MED12L: variants seen among roughly 807,000 people sequenced by gnomAD.
The protein encoded by MED12L is mediator of RNA polymerase II transcription subunit 12-like protein.
A neutral mutation model predicts 281.3 loss-of-function variants in MED12L; 60 were observed. That is an observed-to-expected ratio of 0.21 (90% CI 0.17 to 0.26). The LOEUF is 0.26. MED12L is among the 10% of genes least tolerant of loss of function. The probability of loss-of-function intolerance (pLI) is 1.00; values close to 1 mark genes in which losing one functional copy is unlikely to be tolerated. For synonymous variants in MED12L, 974 were observed against 987.2 expected, an observed-to-expected ratio of 0.99 and a Z score of 0.25; for missense variants, 2,146 against 2,680.9, an observed-to-expected ratio of 0.80 and a Z score of 4.41.
At chr3:151,102,559 T>C (rs1304828355) in intron 2 of MED12L, among the ~76,000 whole-genome samples, 1 of 152,180 alleles carries the variant, frequency 6.6e-6, no homozygotes, top group East Asian at 1.9e-4. Flanking sequence ...CATGGTTCAC[T>C]GCAACCTCTA....
In MED12L at chr3:151,213,776, G is replaced by A. The variant is rs202142868; in HGVS notation, c.2250+20110G>A. On this transcript the variant is annotated intron_variant, in intron 16 of 44. Transcript: ENST00000687756. ...TAGTTTGATGCTTTGTGCCACTTCCGTCCCAGTTCACTTTTCAGTTCTATA... is the reference window on the plus strand; with the variant it reads ...TAGTTTGATGCTTTGTGCCACTTCCATCCCAGTTCACTTTTCAGTTCTATA... 3.1e-5 allele frequency: 50 copies of A among 1,613,960 alleles called. No homozygotes were observed. Among genetic ancestry groups the A allele is most frequent in the South Asian group, 6.6e-5 (6 of 91,082 alleles).
At position 151,409,240 on chromosome 3, in the gene MED12L, C is replaced by T. The variant is rs745807821; in HGVS notation, c.5821-3C>T. The T allele has an allele frequency of 3.8e-6, 6 of 1,584,262 alleles. No homozygotes were observed. The highest frequency in any genetic ancestry group is 3.9e-5 in the Admixed American group (2 of 51,350). On this transcript the variant is annotated splice_region_variant and splice_polypyrimidine_tract_variant and intron_variant, in intron 39 of 44. Transcript: ENST00000687756. Reference sequence around the variant, plus strand: ...AAGAGTTTGCTTTGGCTTTGTTTTCCAGGGCCAGCCGGGGGACCAGGCTGC... The same window carrying T: ...AAGAGTTTGCTTTGGCTTTGTTTTCTAGGGCCAGCCGGGGGACCAGGCTGC...
At chr3:151,368,636 TTTC>T (rs1560086952) in intron 25 of MED12L, among the ~76,000 whole-genome samples, 1,809 of 62,606 alleles carry the variant, frequency 0.029, 17 homozygotes, top group African/African-American at 0.055. Context: ...TTTTATTTCA[TTTC>T]ATTTCATTTC....
At chr3:151,239,656 C>G (rs1733675860) in intron 16 of MED12L, among the ~76,000 whole-genome samples, 2 of 152,244 alleles carry the variant, frequency 1.3e-5, no homozygotes, top group African/African-American at 4.8e-5. Context: ...TACACAAAAG[C>G]TCTTTGAGGT....
At chr3:151,096,670 A>G (rs1720762591) in intron 2 of MED12L, among the ~76,000 whole-genome samples, 2 of 152,196 alleles carry the variant, frequency 1.3e-5, no homozygotes, top group South Asian at 4.1e-4. Flanking sequence ...GGGGGAAGCC[A>G]TGCATGTTTA....
chr3:151,400,915 TA>T (rs1040136775), intron 39 of MED12L, among the ~76,000 whole-genome samples: 2 of 152,136 alleles, frequency 1.3e-5, no homozygotes, highest in African/African-American at 4.8e-5. Context: ...ATTATTTTTT[TA>T]AAAAAAATTA....
At position 151,435,388 on chromosome 3, in the gene MED12L, G is replaced by T. The variant is rs1260563965; in HGVS notation, c.*2584G>T. ...GCCTGGAAGTAGAGGAGATCAATGC[G>T]TAGCTTTGACCACTTCCAGCCACAG... On this transcript the variant is annotated 3_prime_UTR_variant, in exon 45 of 45. Transcript: ENST00000687756. 7.2e-6 allele frequency: 1 copy of T among 139,540 alleles called. No individual in the cohort carries two copies. The highest frequency in any genetic ancestry group is 7.5e-5 in the Admixed American group (1 of 13,418). The allele number at this position is 139,540 out of a possible 1,614,324, so 8.6% of individuals were successfully genotyped here. A position where few individuals can be genotyped will look rare whatever the true frequency, so the allele number is the denominator to read the frequency against.
chr3:151,086,283 C>G (rs1038528409), intron 1 of MED12L: 5 of 152,288 alleles, frequency 3.3e-5, no homozygotes, highest in Non-Finnish European at 7.3e-5. Context: ...TCTCGCGCCC[C>G]CTCCAGACCT....
chr3:151,106,331 C>G (rs1483301630), intron 2 of MED12L, among the ~76,000 whole-genome samples: 1 of 119,842 alleles, frequency 8.3e-6, no homozygotes, highest in Non-Finnish European at 1.7e-5. Flanking sequence ...CCCCTCCCCT[C>G]CCCTCCCCTC....
chr3:151,263,700 A>G (rs1739309352), intron 16 of MED12L, among the ~76,000 whole-genome samples: 1 of 152,240 alleles, frequency 6.6e-6, no homozygotes, highest in Admixed American at 6.5e-5. Flanking sequence ...TCTCTAAGAG[A>G]TTAATGTAAT....
chr3:151,247,869 T>C (rs921635771), intron 16 of MED12L, among the ~76,000 whole-genome samples: 1 of 151,894 alleles, frequency 6.6e-6, no homozygotes, highest in Non-Finnish European at 1.5e-5. Context: ...AAGCTCTGCC[T>C]TCCCTTAGTT....
intron 17 of MED12L, 34 bp downstream of exon 17, chr3:151,350,240 T>C (rs202094443): frequency 2.9e-5 from 47 of 1,602,566 alleles, no homozygotes; most frequent in Non-Finnish European, 4.0e-5. Flanking sequence ...TCCCATTGTG[T>C]TGCCTTTTGC....
Position 151,206,642 on chromosome 3 carries a change from CTTTTTT to C in MED12L, c.2250+12991_2250+12996del, listed in dbSNP as rs747558778. Among the ~76,000 whole-genome samples, 8 of 70,326 alleles carry C rather than the reference CTTTTTT, an allele frequency of 1.1e-4. No homozygotes were observed. The South Asian group carries it at 2.5e-3, about 22-fold the overall frequency. 46.1% of individuals were successfully genotyped at this position (70,326 alleles called of 152,430 possible). On this transcript the variant is annotated intron_variant, in intron 16 of 44. Transcript: ENST00000687756. ...TATGAACTTATGACTAACACATTAT[CTTTTTT>C]TTTTTTTTTTTTTTGAGACAGAGTC...
At chr3:151,091,113 G>A (rs1454117790) in intron 2 of MED12L, among the ~76,000 whole-genome samples, 1 of 152,122 alleles carries the variant, frequency 6.6e-6, no homozygotes, top group Non-Finnish European at 1.5e-5. Context: ...GTAAATATGT[G>A]CAGAAAATCA....
rs988153980 is a variant in MED12L, at chr3:151,394,664, A to C, written c.5617A>C (p.Arg1873=). The C allele has an allele frequency of 6.2e-7, 1 of 1,614,146 alleles. No individual in the cohort carries two copies. The highest frequency in any genetic ancestry group is 1.3e-5 in the African/African-American group (1 of 74,964). Residue 1873 remains arginine (R), a synonymous_variant, in exon 39 of 45, where the codon AGA becomes CGA. Coordinates refer to ENST00000687756, the MANE Select transcript of MED12L (RefSeq NM_001393769.1). The stretch of plus-strand genomic sequence containing the variant: ...TTTGGTTGCTTTTGTAGGTGGCTCC[A>C]GATTGGACCCTGCAGGCTCCTTTGT... ...QNQSLTPGGS[R]LDPAGSFVPT...
intron 16 of MED12L, among the ~76,000 whole-genome samples, chr3:151,268,873 C>G (rs564290657): frequency 1.3e-5 from 2 of 152,130 alleles, no homozygotes; most frequent in African/African-American, 2.4e-5. Context: ...CCTTCCCAAC[C>G]TTCGGTTGGT....
At chr3:151,244,749 G>C (rs537789780) in intron 16 of MED12L, among the ~76,000 whole-genome samples, 55 of 151,910 alleles carry the variant, frequency 3.6e-4, no homozygotes, top group Non-Finnish European at 6.8e-4. Flanking sequence ...CTAGCAGAAG[G>C]CAAGAAATAA....
intron 16 of MED12L, among the ~76,000 whole-genome samples, chr3:151,282,514 G>C (rs775685209): frequency 6.6e-6 from 1 of 152,120 alleles, no homozygotes; most frequent in Non-Finnish European, 1.5e-5. Flanking sequence ...TAAAGGCCCG[G>C]TGTAAACATT....
intron 16 of MED12L, among the ~76,000 whole-genome samples, chr3:151,290,973 T>C (rs1744176064): frequency 6.6e-6 from 1 of 152,184 alleles, no homozygotes; most frequent in Non-Finnish European, 1.5e-5. Context: ...AGTATTTAAT[T>C]TTAGAAGTCA....
Sources: gnomAD v4.1 joint callset for allele counts (sites outside exome capture counted in the v4.1 genomes callset) on GRCh38, gnomAD v4.1.1 for gene constraint, MANE v1.5 for transcripts, NCBI Gene and HGNC (gene_info 2026-07-23, HGNC 2026-07-21) for gene names.